The following CCDC92B variants were observed in gnomAD, a reference collection of about 807,000 sequenced individuals.
CCDC92B encodes coiled-coil domain containing 92B.
CCDC92B carries 2 observed loss-of-function variants against 5.6 expected under a neutral mutation model. The observed-to-expected ratio is 0.36, with a 90% CI of 0.15 to 1.12. The LOEUF is 1.12. Ranked by LOEUF, CCDC92B falls within the 50% of genes most tolerant of loss-of-function variation. The pLI, the probability that CCDC92B is intolerant of heterozygous loss-of-function variation, is 0.40. For missense variants in CCDC92B, 271 were observed against 262.2 expected, an observed-to-expected ratio of 1.03 and a Z score of -0.23; for synonymous variants, 115 against 122.3, an observed-to-expected ratio of 0.94 and a Z score of 0.39.
At chr17:2,728,190 T>C (rs1229231596) in intron 3 of CCDC92B, among the ~76,000 whole-genome samples, 1 of 151,534 alleles carries the variant, frequency 6.6e-6, no homozygotes, top group African/African-American at 2.4e-5. Flanking sequence ...GGCATGTATC[T>C]GTAGTACCAG....
At chr17:2,746,813 G>C (rs537017293) in intron 1 of CCDC92B, among the ~76,000 whole-genome samples, 2 of 152,104 alleles carry the variant, frequency 1.3e-5, no homozygotes, top group African/African-American at 4.8e-5. Context: ...TGGAATTACA[G>C]GCACCCACCC....
intron 2 of CCDC92B, among the ~76,000 whole-genome samples, chr17:2,731,709 C>G (rs1158278225): frequency 6.6e-6 from 1 of 152,208 alleles, no homozygotes; most frequent in Non-Finnish European, 1.5e-5. Context: ...GAGTCTGAAC[C>G]TGTTCCCTGA....
chr17:2,727,141 T>TA (rs1271180680), intron 3 of CCDC92B, among the ~76,000 whole-genome samples: 1 of 152,130 alleles, frequency 6.6e-6, no homozygotes, highest in Non-Finnish European at 1.5e-5. Context: ...CTCAGCCTCA[T>TA]AAAGTGCTGG....
intron 2 of CCDC92B, 60 bp downstream of exon 2, chr17:2,734,956 G>A: frequency 1.0e-6 from 1 of 966,424 alleles, no homozygotes; most frequent in Non-Finnish European, 1.2e-6. Flanking sequence ...CCCAGAGACA[G>A]TGGTTGTGAT....
chr17:2,736,526 T>C (rs2070859563), intron 1 of CCDC92B, among the ~76,000 whole-genome samples: 1 of 151,882 alleles, frequency 6.6e-6, no homozygotes, highest in African/African-American at 2.4e-5. Flanking sequence ...GTGGGAAGAC[T>C]GCGTGAGTCC....
At chr17:2,747,841 A>G (rs551554922) in intron 1 of CCDC92B, among the ~76,000 whole-genome samples, 4 of 152,348 alleles carry the variant, frequency 2.6e-5, no homozygotes, top group African/African-American at 7.2e-5. Context: ...TTTCTTGGAC[A>G]TGGCATCAAT....
At chr17:2,740,250 C>G (rs1463728077) in intron 1 of CCDC92B, among the ~76,000 whole-genome samples, 1 of 151,902 alleles carries the variant, frequency 6.6e-6, no homozygotes, top group Non-Finnish European at 1.5e-5. Context: ...GGATTTCACC[C>G]CTGTGATTAG....
At chr17:2,738,036 C>G (rs1264539599) in intron 1 of CCDC92B, among the ~76,000 whole-genome samples, 6 of 151,834 alleles carry the variant, frequency 4.0e-5, no homozygotes, top group Non-Finnish European at 8.8e-5. Context: ...CCAATATTTA[C>G]ACGAATATTT....
At chr17:2,735,672 C>G (rs1169504444) in intron 1 of CCDC92B, among the ~76,000 whole-genome samples, 1 of 152,170 alleles carries the variant, frequency 6.6e-6, no homozygotes. Context: ...CTCAGGAGAT[C>G]CATCCGCCTT....
intron 1 of CCDC92B, among the ~76,000 whole-genome samples, chr17:2,739,450 G>A (rs2070900300): frequency 6.6e-6 from 1 of 151,646 alleles, no homozygotes; most frequent in Non-Finnish European, 1.5e-5. Flanking sequence ...GGAGGCAGAG[G>A]CAGGCAGATC....
At chr17:2,748,306 C>T in intron 1 of CCDC92B, 2 of 1,217,746 alleles carry the variant, frequency 1.6e-6, no homozygotes, top group Non-Finnish European at 1.1e-6. Context: ...TGACTTTTAC[C>T]ATGAAGCCAT....
intron 2 of CCDC92B, among the ~76,000 whole-genome samples, chr17:2,733,807 G>A (rs1404709341): frequency 7.8e-6 from 1 of 128,184 alleles, no homozygotes; most frequent in Admixed American, 9.5e-5. Context: ...GCCCAGGATG[G>A]AGTACAATGG....
At chr17:2,725,472 GC>G (rs2070717901) in intron 3 of CCDC92B, among the ~76,000 whole-genome samples, 1 of 151,406 alleles carries the variant, frequency 6.6e-6, no homozygotes, top group Non-Finnish European at 1.5e-5. Context: ...CCTTCCCCAC[GC>G]GTCGGCTCAG....
rs1024132241 is a variant in CCDC92B at position 2,723,933 on chromosome 17, G to C, written c.*478C>G. ...CCCTAGCCTGGGCCTCTCCTGGGGA[G>C]GAAGAAGGCTTGGCGGGAAGGGCGT... On this transcript the variant is annotated 3_prime_UTR_variant, in exon 4 of 4. Transcript: ENST00000614400. 8.2e-5 allele frequency: 80 copies of C among 978,868 alleles called. No homozygotes were observed. The highest frequency in any genetic ancestry group is 9.4e-5 in the Non-Finnish European group (78 of 827,748). The allele number at this position is 978,868 out of a possible 1,614,324, so 60.6% of individuals were successfully genotyped here.
rs536517425 is a variant in CCDC92B at position 2,726,473 on chromosome 17, C to T, written c.179-1473G>A. On this transcript the variant is annotated intron_variant, in intron 3 of 3. Coordinates refer to ENST00000614400, the MANE Select transcript of CCDC92B (RefSeq NM_001355573.2). ...CTGGGATTACAGGCATGAGCCACCG[C>T]GCCCGGCTAATTTTTGTATTTTTAG... 3.9e-5 allele frequency among the ~76,000 whole-genome samples: 6 copies of T among 152,120 alleles called. No homozygotes were observed. The East Asian group carries it at 5.8e-4, about 15-fold the overall frequency.
chr17:2,737,437 C>T (rs1327630265), intron 1 of CCDC92B, among the ~76,000 whole-genome samples: 1 of 151,178 alleles, frequency 6.6e-6, no homozygotes, highest in African/African-American at 2.4e-5. Context: ...ACTCCCCTGA[C>T]CCCCCTAATC....
rs386385447 is a variant in CCDC92B at position 2,733,744 on chromosome 17, C to CTTTTTTTTT, written c.130+1263_130+1271dup. 3.4e-4 allele frequency among the ~76,000 whole-genome samples: 17 copies of CTTTTTTTTT among 49,326 alleles called. 1 individual carries two copies. Among genetic ancestry groups the CTTTTTTTTT allele is most frequent in the African/African-American group, 9.5e-4 (11 of 11,564 alleles). 32.4% of individuals were successfully genotyped at this position (49,326 alleles called of 152,430 possible). A position where few individuals can be genotyped will look rare whatever the true frequency, so the allele number is the denominator to read the frequency against. Reference sequence around the variant, plus strand: ...GTGATGGCTGAATCAGGACCACTGGCTTTTTTTTTTTTTTTTTTTTTTTTT... The same window carrying CTTTTTTTTT: ...GTGATGGCTGAATCAGGACCACTGGCTTTTTTTTTTTTTTTTTTTTTTTTTTTTTTTTTT... On this transcript the variant is annotated intron_variant, in intron 2 of 3. Transcript: ENST00000614400.
At position 2,723,925 on chromosome 17, in the gene CCDC92B, C is replaced by G. The variant is rs1375182067; in HGVS notation, c.*486G>C. 2.1e-6 allele frequency: 2 copies of G among 964,700 alleles called. No homozygotes were observed. Among genetic ancestry groups the G allele is most frequent in the Admixed American group, 7.9e-5 (1 of 12,652 alleles). 59.8% of individuals were successfully genotyped at this position (964,700 alleles called of 1,614,324 possible). On this transcript the variant is annotated 3_prime_UTR_variant, in exon 4 of 4. Transcript: ENST00000614400. ...GGACCAGCCCCTAGCCTGGGCCTCT[C>G]CTGGGGAGGAAGAAGGCTTGGCGGG...
At position 2,724,724 on chromosome 17, in the gene CCDC92B, T is replaced by A. The variant is rs2070703663; in HGVS notation, c.455A>T (p.Gln152Leu). The change falls in exon 4 of 4, where the codon CAG (glutamine) becomes CTG (leucine). Residue 152 changes from glutamine (Q) to leucine (L), a missense_variant. Coordinates refer to ENST00000614400, the MANE Select transcript of CCDC92B (RefSeq NM_001355573.2). The surrounding 1 kb of genome is among the most constrained non-coding windows in gnomAD (Gnocchi z 5.0). ...GGCGCCGGGGCCCGGGCGCGGGGCC[T>A]GCAGTCTCTGGCGCGCCGCGTGCAG... ...CQLHAARQRL[Q>L]APRPGPGATA... 1.0e-6 allele frequency: 1 copy of A among 983,796 alleles called. No homozygotes were observed. The highest frequency in any genetic ancestry group is 4.6e-5 in the South Asian group (1 of 21,932). 60.9% of individuals were successfully genotyped at this position (983,796 alleles called of 1,614,324 possible).
Sources: allele counts gnomAD v4.1 joint callset (sites outside exome capture counted in the v4.1 genomes callset), GRCh38; gene constraint gnomAD v4.1.1; non-coding constraint Gnocchi (gnomAD v3.1); transcripts MANE v1.5; gene names NCBI Gene and HGNC (gene_info 2026-07-23, HGNC 2026-07-21).